FAM131B: variants seen among roughly 807,000 people sequenced by gnomAD.
The protein encoded by FAM131B is protein FAM131B.
In FAM131B, 19 loss-of-function variants were observed where a neutral mutation model predicts 42.0. The observed-to-expected ratio is 0.45, with a 90% confidence interval of 0.32 to 0.66. The LOEUF is 0.66. Among genes scored for constraint, FAM131B ranks in the 30% least tolerant of loss-of-function variants. FAM131B has a pLI of 0.05. For synonymous variants in FAM131B, 183 were observed against 177.6 expected (o/e 1.03, Z -0.24); for missense variants, 370 against 468.4 (o/e 0.79, Z 1.94).
At position 143,358,950 on chromosome 7, in the gene FAM131B, C is replaced by T; in HGVS notation, c.343G>A (p.Glu115Lys). 6.2e-7 allele frequency: 1 copy of T among 1,614,134 alleles called. No homozygotes were observed. Among genetic ancestry groups the T allele is most frequent in the Non-Finnish European group, 8.5e-7 (1 of 1,180,036 alleles). The change falls in exon 5 of 7, where the codon GAG (glutamate) becomes AAG (lysine). Residue 115 changes from glutamate to lysine, a missense_variant. Transcript: ENST00000443739. The surrounding 1 kb of genome is among the most constrained non-coding windows in gnomAD (Gnocchi z 4.7). ...GGTGTCTTCCCCCAGCCCTGCCACT[C>T]AATCATGTGGGCCACCCGGCCTTGC... is the stretch of plus-strand genomic sequence containing the variant. ...MGQGRVAHMI[E>K]WQGWGKTPAV...
the FAM131B span, chr7:143,381,537 A>T: frequency 6.3e-7 from 1 of 1,595,378 alleles, no homozygotes; most frequent in Non-Finnish European, 8.5e-7. Context: ...CGCGCTGCGT[A>T]ACCCGGCGAC....
the FAM131B span, chr7:143,381,230 CG>C: frequency 3.0e-6 from 3 of 1,011,858 alleles, no homozygotes; most frequent in Non-Finnish European, 3.6e-6. Flanking sequence ...GCCCCCTCTC[CG>C]GGCCGCTCCT....
At chr7:143,371,416 A>G in the FAM131B span, among the ~76,000 whole-genome samples, 2 of 152,156 alleles carry the variant, frequency 1.3e-5, no homozygotes, top group South Asian at 4.1e-4. Context: ...GTTCAAGACC[A>G]GCCTGGGCAA....
chr7:143,360,020 G>A lies in FAM131B; in HGVS notation c.138+20C>T. 1 of 1,570,106 alleles carries A rather than the reference G, an allele frequency of 6.4e-7. No homozygotes were observed. ...AAGTGCAGGCAGCCAGAGACTTGGG[G>A]TGGCTGAGTGAGGTCTCACCTCAGT... On this transcript the variant is annotated intron_variant, in intron 2 of 6. Transcript: ENST00000443739.
the FAM131B span, chr7:143,380,100 G>A: frequency 2.0e-6 from 2 of 985,284 alleles, no homozygotes; most frequent in Admixed American, 6.2e-5. The surrounding 1 kb of genome is among the most constrained non-coding windows in gnomAD (Gnocchi z 5.0). Context: ...GCCTCAGGAG[G>A]CAGTAAAAGC....
upstream of FAM131B, among the ~76,000 whole-genome samples, chr7:143,363,407 C>T (rs999650394): frequency 1.3e-5 from 2 of 152,142 alleles, no homozygotes; most frequent in Non-Finnish European, 2.9e-5. Context: ...AGTAGACTAA[C>T]AACAATGTCA....
the FAM131B span, among the ~76,000 whole-genome samples, chr7:143,369,895 G>T: frequency 6.6e-6 from 1 of 152,132 alleles, no homozygotes; most frequent in Non-Finnish European, 1.5e-5. Context: ...TTGCTCTCCT[G>T]GGTGGGGGTC....
In FAM131B at chr7:143,357,156, G is replaced by A. The variant is rs1803703788; in HGVS notation, c.610+124C>T. 5.1e-6 allele frequency: 6 copies of A among 1,170,614 alleles called. No homozygotes were observed. The Admixed American group carries it at 1.1e-4, about 21-fold the overall frequency. The allele number at this position is 1,170,614 out of a possible 1,614,324, so 72.5% of individuals were successfully genotyped here. ...AAGACACAGAGTGCACAGTGAGTAG[G>A]GAGGACAATGGGAAAGCTGAGATGG... is the stretch of plus-strand genomic sequence containing the variant. On this transcript the variant is annotated intron_variant, in intron 6 of 6. Coordinates refer to ENST00000443739, the MANE Select transcript of FAM131B (RefSeq NM_001031690.3).
the FAM131B span, among the ~76,000 whole-genome samples, chr7:143,370,960 C>A: frequency 6.6e-6 from 1 of 152,180 alleles, no homozygotes. Flanking sequence ...AGTGGCACAT[C>A]AGGGGCATTT....
the FAM131B span, among the ~76,000 whole-genome samples, chr7:143,371,492 T>C: frequency 6.6e-6 from 1 of 150,842 alleles, no homozygotes; most frequent in Non-Finnish European, 1.5e-5. Flanking sequence ...CACATGCCTG[T>C]GGTCCCAGCT....
the FAM131B span, chr7:143,381,540 C>G: frequency 6.3e-7 from 1 of 1,597,576 alleles, no homozygotes; most frequent in African/African-American, 1.3e-5. Flanking sequence ...GCTGCGTAAC[C>G]CGGCGACCCA....
chr7:143,364,371 CAG>C (rs1342831903), upstream of FAM131B: 2 of 151,934 alleles, frequency 1.3e-5, no homozygotes, highest in African/African-American at 2.4e-5. Flanking sequence ...AAAACGCTGA[CAG>C]GGGACTGGCC....
At chr7:143,360,346 G>A (rs1207360613) in intron 1 of FAM131B, 197 bp from the exon 2 acceptor site, 2 of 1,419,482 alleles carry the variant, frequency 1.4e-6, no homozygotes, top group Non-Finnish European at 1.8e-6. Flanking sequence ...CCAGAATAGT[G>A]CACTCAGAAA....
Position 143,356,772 on chromosome 7 carries a change from CCA to C in FAM131B, c.859_860del (p.Trp287GlyfsTer15). The C allele has an allele frequency of 6.2e-7, 1 of 1,614,108 alleles. No individual in the cohort carries two copies. Among genetic ancestry groups the C allele is most frequent in the Non-Finnish European group, 8.5e-7 (1 of 1,180,014 alleles). ...GGTCCACTGCGCCTACCCCCGGAGC[CCA>C]GTCAGTGTCTCCCCCCAGCAAAGGT... ...PPPLLGGDTD[W>X]APGVGAVDLA... is the part of the protein sequence containing the mutation. On this transcript the variant is annotated frameshift_variant, in exon 7 of 7. Transcript: ENST00000443739. LOFTEE classifies it high-confidence loss of function. The surrounding 1 kb of genome is among the most constrained non-coding windows in gnomAD (Gnocchi z 4.4).
chr7:143,359,033 C>T lies in FAM131B; in HGVS notation c.269-9G>A, dbSNP rs1803820718. The T allele has an allele frequency of 6.2e-7, 1 of 1,612,298 alleles. No individual in the cohort carries two copies. The highest frequency in any genetic ancestry group is 8.5e-7 in the Non-Finnish European group (1 of 1,179,374). On this transcript the variant is annotated splice_polypyrimidine_tract_variant and intron_variant, in intron 4 of 6. Transcript: ENST00000443739. This position sits in a 1 kb window ranked among gnomAD's most constrained non-coding sequence, Gnocchi z 5.4. Reference sequence around the variant, plus strand: ...CATGCTCCGTGAGATCCCTATGGGGCCAGACATTTCCCACATCCTCCAGAA... The same window carrying T: ...CATGCTCCGTGAGATCCCTATGGGGTCAGACATTTCCCACATCCTCCAGAA...
the FAM131B span, chr7:143,381,009 C>T: frequency 7.3e-6 from 2 of 274,276 alleles, no homozygotes; most frequent in Non-Finnish European, 5.6e-6. Context: ...CTCGGGCACC[C>T]GCGGGTCGGG....
chr7:143,369,747 GA>G, the FAM131B span, among the ~76,000 whole-genome samples: 19 of 148,946 alleles, frequency 1.3e-4, no homozygotes, highest in South Asian at 1.1e-3. Flanking sequence ...AAAATTAAAA[GA>G]AAAAAAAAGA....
the FAM131B span, among the ~76,000 whole-genome samples, chr7:143,375,698 T>C: frequency 6.6e-6 from 1 of 152,106 alleles, no homozygotes; most frequent in African/African-American, 2.4e-5. Flanking sequence ...GCAAGATGGG[T>C]TATCTACCTA....
the FAM131B span, among the ~76,000 whole-genome samples, chr7:143,368,250 T>C: frequency 6.6e-6 from 1 of 152,144 alleles, no homozygotes; most frequent in South Asian, 2.1e-4. Flanking sequence ...TAGTAAAAAA[T>C]GGAGTTCATA....
Sources: gnomAD v4.1 joint callset for allele counts (sites outside exome capture counted in the v4.1 genomes callset) on GRCh38, gnomAD v4.1.1 for gene constraint, Gnocchi (gnomAD v3.1) non-coding constraint, MANE v1.5 for transcripts, NCBI Gene and HGNC (gene_info 2026-07-23, HGNC 2026-07-21) for gene names.